Variants in CFH observed in about 807,000 individuals in gnomAD.
The protein encoded by CFH is H factor 1 (complement).
Under a neutral mutation model 147.3 loss-of-function variants are expected in CFH, and 53 were observed. The observed-to-expected ratio is 0.36, with a 90% confidence interval of 0.29 to 0.45. The LOEUF (loss-of-function observed/expected upper bound fraction) is 0.45, where lower values mean the gene tolerates loss of function less well. Ranked by LOEUF, CFH falls within the 20% of genes least tolerant of loss-of-function variation. CFH has a pLI of 1.00. For missense variants in CFH, 1,380 were observed against 1,498.0 expected, an observed-to-expected ratio of 0.92 and a Z score of 1.30; for synonymous variants, 536 against 489.4, an observed-to-expected ratio of 1.10 and a Z score of -1.26.
intron 1 of CFH, among the ~76,000 whole-genome samples, chr1:196,672,107 C>T (rs1171695525): frequency 6.6e-6 from 1 of 152,040 alleles, no homozygotes; most frequent in African/African-American, 2.4e-5. Flanking sequence ...TAGACTCTAG[C>T]AAAGCAACCT....
At position 196,668,186 on chromosome 1, in the gene CFH, T is replaced by G. The variant is rs960627081; in HGVS notation, c.59-4792T>G. On this transcript the variant is annotated intron_variant, in intron 1 of 21. Coordinates refer to ENST00000367429, the MANE Select transcript of CFH (RefSeq NM_000186.4). ...ATTCCTTTTTGTACTTCTTTGCTTA[T>G]ATTTTAGATCAGTTTCCTTCAGCCC... 4.6e-5 allele frequency among the ~76,000 whole-genome samples: 7 copies of G among 152,294 alleles called. No homozygotes were observed. The South Asian group carries it at 1.4e-3, about 32-fold the overall frequency.
At chr1:196,737,736 G>C (rs11799956) in intron 17 of CFH, 76 bp downstream of exon 17, 1 of 1,241,680 alleles carries the variant, frequency 8.1e-7, no homozygotes, top group South Asian at 1.3e-5. Context: ...CAAAGTGAGG[G>C]GAATAATTGA....
intron 9 of CFH, among the ~76,000 whole-genome samples, chr1:196,701,133 T>C (rs1668436633): frequency 6.6e-6 from 1 of 152,164 alleles, no homozygotes; most frequent in Admixed American, 6.5e-5. Context: ...TTGTTTGTCT[T>C]TGTCTTGTTA....
rs531101578 is a variant in CFH, at chr1:196,682,076, G to A, written c.790+2283G>A. Among the ~76,000 whole-genome samples, 20 of 151,748 alleles carry A rather than the reference G, an allele frequency of 1.3e-4. 1 individual carries two copies. Among genetic ancestry groups the A allele is most frequent in the African/African-American group, 4.3e-4 (18 of 41,488 alleles). ...GGTCTATGGCACACACATGTCAGAGGACTGATTTAAAGGTGAATTGTCAAA... is the reference window on the plus strand; with the variant it reads ...GGTCTATGGCACACACATGTCAGAGAACTGATTTAAAGGTGAATTGTCAAA... On this transcript the variant is annotated intron_variant, in intron 6 of 21. Transcript: ENST00000367429.
chr1:196,747,048 C>A (rs578117529), intron 21 of CFH, 63 bp from the exon 22 acceptor site: 1 of 1,605,000 alleles, frequency 6.2e-7, no homozygotes, highest in African/African-American at 1.3e-5. Context: ...ACTTGAAAAC[C>A]TGAAAGTCTA....
intron 9 of CFH, among the ~76,000 whole-genome samples, chr1:196,697,074 C>A (rs1668297231): frequency 1.3e-5 from 2 of 148,172 alleles, no homozygotes; most frequent in African/African-American, 2.4e-5. Flanking sequence ...CTAGGCAATA[C>A]CATTCAGGAC....
intron 9 of CFH, among the ~76,000 whole-genome samples, chr1:196,704,863 A>C (rs1831282): frequency 0.62 from 94,901 of 152,080 alleles, 30,179 homozygotes; most frequent in East Asian, 0.95. Context: ...TCTGGTGATA[A>C]CTGATGCTTA....
intron 15 of CFH, among the ~76,000 whole-genome samples, chr1:196,733,484 T>C (rs1175573454): frequency 2.0e-5 from 3 of 152,092 alleles, no homozygotes; most frequent in African/African-American, 7.2e-5. Context: ...GTAAAGGTTG[T>C]AGCACTTGAT....
intron 9 of CFH, among the ~76,000 whole-genome samples, chr1:196,691,710 T>G (rs1668028701): frequency 6.6e-6 from 1 of 152,046 alleles, no homozygotes; most frequent in South Asian, 2.1e-4. Context: ...GTGGCTAGTA[T>G]TTTTCTTTCC....
At chr1:196,741,621 G>T in intron 18 of CFH, 1 of 451,934 alleles carries the variant, frequency 2.2e-6, no homozygotes, top group Non-Finnish European at 4.0e-6. Context: ...ACAAAAAAAT[G>T]TGTAATCTCA....
chr1:196,742,305 G>A (rs1652835257), intron 19 of CFH, among the ~76,000 whole-genome samples: 1 of 152,172 alleles, frequency 6.6e-6, no homozygotes, highest in South Asian at 2.1e-4. Flanking sequence ...GAACCAGGGA[G>A]ATGAAGATTG....
At chr1:196,703,759 C>A (rs1668517977) in intron 9 of CFH, among the ~76,000 whole-genome samples, 1 of 151,804 alleles carries the variant, frequency 6.6e-6, no homozygotes, top group African/African-American at 2.4e-5. Flanking sequence ...CTGAGATGGG[C>A]AGATCACAAG....
chr1:196,699,136 CTG>C (rs1417653278), intron 9 of CFH, among the ~76,000 whole-genome samples: 4 of 152,054 alleles, frequency 2.6e-5, no homozygotes, highest in African/African-American at 9.7e-5. Context: ...AATAGACAAA[CTG>C]TTTTCCTGAG....
At chr1:196,707,414 G>C (rs185563938) in intron 9 of CFH, among the ~76,000 whole-genome samples, 39 of 152,294 alleles carry the variant, frequency 2.6e-4, no homozygotes, top group African/African-American at 9.4e-4. Context: ...CTATTCACGA[G>C]TTTGTGGTTC....
intron 4 of CFH, among the ~76,000 whole-genome samples, chr1:196,676,433 G>C (rs1157688343): frequency 6.6e-6 from 1 of 151,984 alleles, no homozygotes; most frequent in African/African-American, 2.4e-5. Flanking sequence ...CAAATGCAGG[G>C]ATCTATGGTA....
intron 10 of CFH, among the ~76,000 whole-genome samples, chr1:196,714,647 A>ATGTATATATATGTATATATATGTG (rs1558173305): frequency 1.7e-4 from 7 of 41,538 alleles, no homozygotes; most frequent in African/African-American, 7.4e-4. Context: ...ATATATATAT[A>ATGTATATATATGTATATATATGTG]TATATATATA....
chr1:196,653,655 G>C (rs894902609), intron 1 of CFH, among the ~76,000 whole-genome samples: 1 of 151,968 alleles, frequency 6.6e-6, no homozygotes, highest in Non-Finnish European at 1.5e-5. Context: ...TATTAAAATA[G>C]AGTACATCAA....
Position 196,745,939 on chromosome 1 carries a change from G to C in CFH, c.3433G>C (p.Glu1145Gln), listed in dbSNP as rs758097740. The C allele has an allele frequency of 1.9e-6, 3 of 1,614,118 alleles. No homozygotes were observed. Among genetic ancestry groups the C allele is most frequent in the East Asian group, 4.5e-5 (2 of 44,860 alleles). The change falls in exon 21 of 22, where the codon GAG (glutamate) becomes CAG (glutamine). Residue 1145 changes from glutamate (E) to glutamine (Q), a missense_variant. Physicochemically the swap from Glu to Gln is conservative, Grantham distance 29 (BLOSUM62 2). Around this residue, in one of 4 missense-constraint regions of CFH, gnomAD observed 123 missense variants for 185.3 expected, o/e 0.66. Coordinates refer to ENST00000367429, the MANE Select transcript of CFH (RefSeq NM_000186.4). ...EYQCQNLYQL[E>Q]GNKRITCRNG... ...CCAATGCCAGAACTTGTATCAACTT[G>C]AGGGTAACAAGCGAATAACATGTAG...
At position 196,712,369 on chromosome 1, in the gene CFH, AAAT is replaced by A. The variant is rs1190823666; in HGVS notation, c.1337-1359_1337-1357del. Among the ~76,000 whole-genome samples, 13 of 151,460 alleles carry A rather than the reference AAAT, an allele frequency of 8.6e-5. No individual in the cohort carries two copies. The East Asian group carries it at 1.2e-3, about 13-fold the overall frequency. On this transcript the variant is annotated intron_variant, in intron 9 of 21. Transcript: ENST00000367429. ...TGGTTTCTTTGTTATAATTTATTAT[AAAT>A]AATAATTTATTTTCAGTTTTTATTC...
Sources: gnomAD v4.1 joint callset for allele counts (sites outside exome capture counted in the v4.1 genomes callset) on GRCh38, gnomAD v4.1.1 for gene constraint, gnomAD v4.1.1 regional missense constraint, MANE v1.5 for transcripts, NCBI Gene and HGNC (gene_info 2026-07-23, HGNC 2026-07-21) for gene names.